SCARB1: variants seen among roughly 807,000 people sequenced by gnomAD.
SCARB1 encodes CD36 and LIMPII analogous 1.
A neutral mutation model predicts 57.2 loss-of-function variants in SCARB1; 30 were observed. The ratio of observed to expected loss-of-function variants is 0.52; its 90% CI spans 0.39 to 0.71. The LOEUF (loss-of-function observed/expected upper bound fraction) is 0.71. Ranked by LOEUF, SCARB1 falls within the 30% of genes least tolerant of loss-of-function variation. The pLI, the probability that SCARB1 is intolerant of heterozygous loss-of-function variation, is 0.00. For missense variants in SCARB1, 543 were observed against 671.2 expected (o/e 0.81, Z 2.11); for synonymous variants, 249 against 268.3 (o/e 0.93, Z 0.70).
intron 1 of SCARB1, among the ~76,000 whole-genome samples, chr12:124,856,533 GTC>G (rs1188011116): frequency 1.3e-5 from 2 of 152,242 alleles, no homozygotes; most frequent in African/African-American, 4.8e-5. Flanking sequence ...AGTTGAAGCT[GTC>G]TCTCACATGC....
rs867629107 is a variant in SCARB1 at position 124,806,085 on chromosome 12, T to C, written c.1009+1676A>G. Among the ~76,000 whole-genome samples, 5 of 152,290 alleles carry C rather than the reference T, an allele frequency of 3.3e-5. No individual in the cohort carries two copies. In the Middle Eastern group the frequency reaches 0.01, roughly 311 times the overall value. ...TTAAACAGCCGCAAGAGGCCAGCAG[T>C]GACCGCACTGGATGGTCTAGGGGAT... On this transcript the variant is annotated intron_variant, in intron 7 of 12. Transcript: ENST00000261693.
At position 124,810,049 on chromosome 12, in the gene SCARB1, G is replaced by A; in HGVS notation, c.842+125C>T. On this transcript the variant is annotated intron_variant, in intron 6 of 12. Transcript: ENST00000261693. The surrounding 1 kb of genome is among the most constrained non-coding windows in gnomAD (Gnocchi z 4.0). Reference sequence around the variant, plus strand: ...GTGTGACCAAAGAGAATTCAAGCTGGTGCCAAGGGCTACTGAGTCAAATCC... The same window carrying A: ...GTGTGACCAAAGAGAATTCAAGCTGATGCCAAGGGCTACTGAGTCAAATCC... The A allele has an allele frequency of 1.4e-6, 1 of 702,036 alleles. No homozygotes were observed. The highest frequency in any genetic ancestry group is 1.5e-5 in the South Asian group (1 of 66,828). The allele number at this position is 702,036 out of a possible 1,614,324, so 43.5% of individuals were successfully genotyped here. A position where few individuals can be genotyped will look rare whatever the true frequency, so the allele number is the denominator to read the frequency against.
chr12:124,820,915 A>G (rs1277087965), intron 1 of SCARB1, among the ~76,000 whole-genome samples: 2 of 152,172 alleles, frequency 1.3e-5, no homozygotes, highest in African/African-American at 4.8e-5. Context: ...ATTGTTTTAT[A>G]TCAATCACAC....
intron 1 of SCARB1, among the ~76,000 whole-genome samples, chr12:124,846,059 C>A (rs546315108): frequency 6.6e-6 from 1 of 152,170 alleles, no homozygotes; most frequent in African/African-American, 2.4e-5. Context: ...ACAGGTGCAT[C>A]TGTAGAGACA....
rs148511562 is a variant in SCARB1 at position 124,821,477 on chromosome 12, A to ATC, written c.127-3772_127-3771dup. 21,434 of 870,760 alleles carry ATC rather than the reference A, an allele frequency of 0.025. 1,413 individuals are homozygous for ATC. The African/African-American group carries it at 0.26, about 10-fold the overall frequency. 53.9% of individuals were successfully genotyped at this position (870,760 alleles called of 1,614,324 possible). On this transcript the variant is annotated intron_variant, in intron 1 of 12. Transcript: ENST00000261693. ...GATCCGGCCGCGTGTCCATGTCTCA[A>ATC]TCTCTCTCTCTCTCTCTCTCTCCCC...
intron 11 of SCARB1, chr12:124,786,091 A>G (rs751776438): frequency 4.6e-6 from 7 of 1,530,844 alleles, no homozygotes; most frequent in African/African-American, 1.4e-5. Context: ...ACCAGGTCTC[A>G]TTACTCAAAG....
chr12:124,816,812 G>A (rs553900583), intron 2 of SCARB1, among the ~76,000 whole-genome samples: 1 of 152,180 alleles, frequency 6.6e-6, no homozygotes, highest in African/African-American at 2.4e-5. Context: ...TGTCTCTCCA[G>A]TCTGCAGACG....
chr12:124,778,910 C>A (rs888130404), intron 12 of SCARB1, among the ~76,000 whole-genome samples: 4 of 152,212 alleles, frequency 2.6e-5, no homozygotes, highest in African/African-American at 4.8e-5. Context: ...ACAACCGGGG[C>A]AAGCTCTGTC....
chr12:124,839,217 C>A, intron 1 of SCARB1: 1 of 456,182 alleles, frequency 2.2e-6, no homozygotes, highest in Non-Finnish European at 4.4e-6. Context: ...GCTCTGCACC[C>A]CCTCTCCCCC....
chr12:124,823,461 T>G (rs946590365), intron 1 of SCARB1, among the ~76,000 whole-genome samples: 1 of 151,970 alleles, frequency 6.6e-6, no homozygotes, highest in Admixed American at 6.6e-5. Context: ...ATGGCTAGAA[T>G]TTTTTTTCAT....
intron 8 of SCARB1, among the ~76,000 whole-genome samples, chr12:124,798,569 G>C (rs773551623): frequency 6.6e-6 from 1 of 152,198 alleles, no homozygotes; most frequent in Non-Finnish European, 1.5e-5. Flanking sequence ...CAGGCCAGGC[G>C]TAGTGGCTCA....
rs1951003068 is a variant in SCARB1, at chr12:124,822,989, T to C, written c.127-5282A>G. On this transcript the variant is annotated intron_variant, in intron 1 of 12. Coordinates refer to ENST00000261693, the MANE Select transcript of SCARB1 (RefSeq NM_005505.5). The surrounding 1 kb of genome is among the most constrained non-coding windows in gnomAD (Gnocchi z 5.0). ...TAAAAAAAAATTTAAAAATGAATAC[T>C]ATTACTACCTTTAAAATATAATGCA... is the stretch of plus-strand genomic sequence containing the variant. 1.3e-5 allele frequency among the ~76,000 whole-genome samples: 2 copies of C among 152,212 alleles called. No homozygotes were observed. The highest frequency in any genetic ancestry group is 1.3e-4 in the Admixed American group (2 of 15,284).
chr12:124,845,463 C>T (rs1183662378), intron 1 of SCARB1, among the ~76,000 whole-genome samples: 1 of 145,292 alleles, frequency 6.9e-6, no homozygotes, highest in Non-Finnish European at 1.5e-5. Flanking sequence ...GGGACCGAGG[C>T]AGGTGTTTGA....
chr12:124,828,954 C>T (rs910182948), intron 1 of SCARB1, among the ~76,000 whole-genome samples: 1 of 152,202 alleles, frequency 6.6e-6, no homozygotes, highest in Non-Finnish European at 1.5e-5. Context: ...TGACTACACT[C>T]TCAATCCCAG....
Position 124,796,057 on chromosome 12 carries a change from G to A in SCARB1, c.1129-789C>T, listed in dbSNP as rs368863098. ...CAACCTCTGCCTCCTGAGTTCAAGC[G>A]ATTGTCCTGCCTCAGCCTCCCCAGT... On this transcript the variant is annotated intron_variant, in intron 8 of 12. Transcript: ENST00000261693. The surrounding 1 kb of genome is among the most constrained non-coding windows in gnomAD (Gnocchi z 4.0). 2.6e-5 allele frequency among the ~76,000 whole-genome samples: 4 copies of A among 152,182 alleles called. No homozygotes were observed. The highest frequency in any genetic ancestry group is 6.5e-5 in the Admixed American group (1 of 15,282).
Position 124,810,047 on chromosome 12 carries a change from T to A in SCARB1, c.842+127A>T, listed in dbSNP as rs1950465882. The A allele has an allele frequency of 4.3e-6, 3 of 698,772 alleles. No homozygotes were observed. Among genetic ancestry groups the A allele is most frequent in the Non-Finnish European group, 7.8e-6 (3 of 385,220 alleles). The allele number at this position is 698,772 out of a possible 1,614,324, so 43.3% of individuals were successfully genotyped here. The stretch of plus-strand genomic sequence containing the variant: ...TGGTGTGACCAAAGAGAATTCAAGC[T>A]GGTGCCAAGGGCTACTGAGTCAAAT... On this transcript the variant is annotated intron_variant, in intron 6 of 12. Coordinates refer to ENST00000261693, the MANE Select transcript of SCARB1 (RefSeq NM_005505.5). The surrounding 1 kb of genome is among the most constrained non-coding windows in gnomAD (Gnocchi z 4.0).
At chr12:124,858,499 T>C (rs1433503532) in intron 1 of SCARB1, among the ~76,000 whole-genome samples, 2 of 152,150 alleles carry the variant, frequency 1.3e-5, no homozygotes, top group African/African-American at 4.8e-5. Flanking sequence ...CCCTTTGCAG[T>C]GTGCCTCATC....
chr12:124,851,231 C>A (rs954657504), intron 1 of SCARB1, among the ~76,000 whole-genome samples: 1 of 152,150 alleles, frequency 6.6e-6, no homozygotes, highest in Non-Finnish European at 1.5e-5. Flanking sequence ...GGTGCAGATG[C>A]CATTTATTTT....
intron 1 of SCARB1, among the ~76,000 whole-genome samples, chr12:124,859,856 T>G (rs897258911): frequency 1.3e-5 from 2 of 151,774 alleles, no homozygotes; most frequent in East Asian, 1.9e-4. Flanking sequence ...GTTTGGTGGG[T>G]TTTTTTTAAA....
Sources: gnomAD v4.1 joint callset for allele counts (sites outside exome capture counted in the v4.1 genomes callset) on GRCh38, gnomAD v4.1.1 for gene constraint, Gnocchi (gnomAD v3.1) non-coding constraint, MANE v1.5 for transcripts, NCBI Gene and HGNC (gene_info 2026-07-23, HGNC 2026-07-21) for gene names.